The following KLHL2 variants were observed in gnomAD, a reference collection of about 807,000 sequenced individuals.
The protein encoded by KLHL2 is kelch like family member 2.
Under a neutral mutation model 75.8 loss-of-function variants are expected in KLHL2, and 15 were observed. The ratio of observed to expected loss-of-function variants is 0.20; its 90% confidence interval spans 0.13 to 0.30. The LOEUF (loss-of-function observed/expected upper bound fraction) is 0.30, where lower values mean the gene tolerates loss of function less well. Ranked by LOEUF, KLHL2 falls within the 10% of genes least tolerant of loss-of-function variation. KLHL2 has a pLI of 1.00. For synonymous variants in KLHL2, 214 were observed against 251.9 expected (o/e 0.85, Z 1.42); for missense variants, 381 against 741.0 (o/e 0.51, Z 5.64).
At chr4:165,284,185 C>A (rs1219207896) in intron 5 of KLHL2, among the ~76,000 whole-genome samples, 1 of 152,176 alleles carries the variant, frequency 6.6e-6, no homozygotes, top group Non-Finnish European at 1.5e-5. Flanking sequence ...ACAGTCAGTT[C>A]CTTGTAACTT....
intron 1 of KLHL2, among the ~76,000 whole-genome samples, chr4:165,210,925 G>A (rs946163537): frequency 6.6e-6 from 1 of 151,606 alleles, no homozygotes; most frequent in Non-Finnish European, 1.5e-5. Context: ...TCACAAGTCG[G>A]CTTACTCTCT....
intron 14 of KLHL2, among the ~76,000 whole-genome samples, chr4:165,320,849 C>T (rs1169062333): frequency 6.6e-6 from 1 of 152,144 alleles, no homozygotes; most frequent in Non-Finnish European, 1.5e-5. Flanking sequence ...TGAAGGGTTT[C>T]AAGGTATGGA....
intron 7 of KLHL2, among the ~76,000 whole-genome samples, chr4:165,298,915 G>A (rs1207910933): frequency 1.3e-5 from 2 of 151,252 alleles, no homozygotes; most frequent in East Asian, 3.9e-4. Flanking sequence ...GGGCAACAGA[G>A]TGAGACTCTG....
intron 14 of KLHL2, chr4:165,321,444 T>G (rs954965087): frequency 1.8e-5 from 7 of 387,572 alleles, no homozygotes; most frequent in Non-Finnish European, 3.1e-5. Flanking sequence ...ACTTTAAGAA[T>G]ACAATATATA....
At chr4:165,263,795 T>G (rs1185800643) in intron 5 of KLHL2, among the ~76,000 whole-genome samples, 1 of 141,522 alleles carries the variant, frequency 7.1e-6, no homozygotes, top group Non-Finnish European at 1.5e-5. Context: ...TAGCTCTGAT[T>G]TTTTACATTG....
intron 1 of KLHL2, among the ~76,000 whole-genome samples, chr4:165,211,020 T>C (rs1427220813): frequency 6.6e-6 from 1 of 152,210 alleles, no homozygotes; most frequent in Non-Finnish European, 1.5e-5. Flanking sequence ...AGTTGATGGT[T>C]CCACATTACT....
intron 5 of KLHL2, among the ~76,000 whole-genome samples, chr4:165,267,481 G>A (rs1403486149): frequency 1.3e-5 from 2 of 151,948 alleles, no homozygotes; most frequent in African/African-American, 2.4e-5. Flanking sequence ...TTTGAGATAC[G>A]TTCCATCAAT....
chr4:165,279,875 G>C (rs1339053086), intron 5 of KLHL2, among the ~76,000 whole-genome samples: 3 of 152,132 alleles, frequency 2.0e-5, no homozygotes, highest in Non-Finnish European at 4.4e-5. Context: ...CTTTCCCTGC[G>C]TATTTTGTTT....
intron 4 of KLHL2, among the ~76,000 whole-genome samples, chr4:165,248,330 A>T (rs1740425491): frequency 6.6e-6 from 1 of 152,208 alleles, no homozygotes; most frequent in African/African-American, 2.4e-5. Flanking sequence ...AGTTAGCATG[A>T]TGACAACACT....
chr4:165,286,799 G>C (rs1258897635), intron 5 of KLHL2, among the ~76,000 whole-genome samples: 1 of 152,184 alleles, frequency 6.6e-6, no homozygotes, highest in Non-Finnish European at 1.5e-5. Context: ...TTAACCCAGT[G>C]ATCTTTCTTT....
At chr4:165,264,755 T>C (rs1430700391) in intron 5 of KLHL2, among the ~76,000 whole-genome samples, 8 of 90,890 alleles carry the variant, frequency 8.8e-5, no homozygotes, top group East Asian at 6.7e-4. Context: ...TATATATATA[T>C]ATATATATAT....
chr4:165,260,805 G>C (rs780081346), intron 4 of KLHL2, among the ~76,000 whole-genome samples: 1 of 152,152 alleles, frequency 6.6e-6, no homozygotes, highest in African/African-American at 2.4e-5. Context: ...GTGCATGTGA[G>C]ATTTTGTGCA....
At chr4:165,242,626 A>T (rs1739906308) in intron 4 of KLHL2, among the ~76,000 whole-genome samples, 1 of 152,042 alleles carries the variant, frequency 6.6e-6, no homozygotes, top group Non-Finnish European at 1.5e-5. Flanking sequence ...CCTTCCAAGT[A>T]GCTGGGACTA....
At chr4:165,304,058 A>AT (rs1176964404) in intron 8 of KLHL2, among the ~76,000 whole-genome samples, 1 of 150,388 alleles carries the variant, frequency 6.6e-6, no homozygotes, top group South Asian at 2.1e-4. Context: ...AATTTTTGTT[A>AT]TTTTTTGTGG....
intron 9 of KLHL2, among the ~76,000 whole-genome samples, chr4:165,309,153 C>T (rs1394677126): frequency 1.3e-5 from 2 of 152,106 alleles, no homozygotes; most frequent in Admixed American, 1.3e-4. Flanking sequence ...GAACTAAGAA[C>T]AATAAAAATT....
At chr4:165,235,331 G>C (rs1357836110) in intron 3 of KLHL2, among the ~76,000 whole-genome samples, 1 of 152,170 alleles carries the variant, frequency 6.6e-6, no homozygotes, top group Non-Finnish European at 1.5e-5. Context: ...CTCTCACGTA[G>C]CTGGGATTAC....
chr4:165,234,989 ACT>A (rs939807676), intron 3 of KLHL2, among the ~76,000 whole-genome samples: 1 of 151,672 alleles, frequency 6.6e-6, no homozygotes, highest in Non-Finnish European at 1.5e-5. Context: ...ACAGAATGAG[ACT>A]CTGTCTCAAA....
At chr4:165,309,024 T>C (rs932426591) in intron 9 of KLHL2, among the ~76,000 whole-genome samples, 1 of 152,188 alleles carries the variant, frequency 6.6e-6, no homozygotes, top group African/African-American at 2.4e-5. Flanking sequence ...CCTGATAACA[T>C]CTGCAAAACA....
intron 5 of KLHL2, among the ~76,000 whole-genome samples, chr4:165,284,999 TAATTC>T (rs1743977568): frequency 6.6e-6 from 1 of 152,160 alleles, no homozygotes; most frequent in South Asian, 2.1e-4. Flanking sequence ...CCTGCCCACA[TAATTC>T]AATCATCTCC....
Sources: allele counts gnomAD v4.1 joint callset (sites outside exome capture counted in the v4.1 genomes callset), GRCh38; gene constraint gnomAD v4.1.1; transcripts MANE v1.5; gene names NCBI Gene and HGNC (gene_info 2026-07-23, HGNC 2026-07-21).